CUX1: variants seen among roughly 807,000 people sequenced by gnomAD.
CUX1 encodes the protein protein CASP.
A neutral mutation model predicts 158.8 loss-of-function variants in CUX1; 31 were observed. The ratio of observed to expected loss-of-function variants is 0.20; its 90% confidence interval spans 0.15 to 0.26. The LOEUF (loss-of-function observed/expected upper bound fraction) is 0.26. Ranked by LOEUF, CUX1 falls within the 10% of genes least tolerant of loss-of-function variation. The pLI, the probability that CUX1 is intolerant of heterozygous loss-of-function variation, is 1.00. For synonymous variants in CUX1, 879 were observed against 862.1 expected (o/e 1.02, Z -0.34); for missense variants, 1,589 against 2,014.6 (o/e 0.79, Z 4.04).
At position 102,028,117 on chromosome 7, in the gene CUX1, C is replaced by T; in HGVS notation, c.161C>T (p.Ala54Val). The T allele has an allele frequency of 6.2e-7, 1 of 1,612,432 alleles. No individual in the cohort carries two copies. The highest frequency in any genetic ancestry group is 8.5e-7 in the Non-Finnish European group (1 of 1,180,002). Reference protein sequence around the residue: ...NTPEDLRKQVAPLLKSFQGEI... With the variant: ...NTPEDLRKQVVPLLKSFQGEI... ...CTCCAGGATTTGCGCAAGCAGGTAG[C>T]GCCGCTGCTGAAGAGTTTCCAAGGA... Residue 54 changes from alanine to valine, a missense_variant, in exon 3 of 24, where the codon GCG becomes GTG. By Grantham distance (64) the Ala-to-Val change is moderately conservative. This residue lies in a region of CUX1 where 63 missense variants were observed against 109.2 expected (regional missense o/e 0.58). Transcript: ENST00000292535.
chr7:102,202,285 A>T, intron 18 of CUX1, 81 bp downstream of exon 18: 1 of 1,504,210 alleles, frequency 6.6e-7, no homozygotes, highest in Non-Finnish European at 8.9e-7. Flanking sequence ...GCAGCCTGTG[A>T]CCCTCACCCA....
intron 4 of CUX1, among the ~76,000 whole-genome samples, chr7:102,077,252 G>T (rs1554476958): frequency 1.3e-5 from 2 of 151,732 alleles, no homozygotes; most frequent in African/African-American, 4.8e-5. Context: ...CAGCAGGGAG[G>T]AGCTGGGACA....
At chr7:102,276,089 T>G (rs1791588849) in intron 17 of CUX1, among the ~76,000 whole-genome samples, 2 of 152,188 alleles carry the variant, frequency 1.3e-5, no homozygotes, top group Admixed American at 6.5e-5. Flanking sequence ...TGTTTATCCA[T>G]TCACCTATTC....
chr7:102,138,196 G>A (rs1488291694), intron 8 of CUX1, among the ~76,000 whole-genome samples: 1 of 152,128 alleles, frequency 6.6e-6, no homozygotes, highest in Non-Finnish European at 1.5e-5. Flanking sequence ...AAAACAAAAA[G>A]TCTAGTTAAT....
intron 2 of CUX1, among the ~76,000 whole-genome samples, chr7:101,928,644 G>A (rs925691212): frequency 2.0e-5 from 3 of 147,494 alleles, no homozygotes; most frequent in African/African-American, 7.5e-5. Context: ...GATTCTAGGT[G>A]TGAGCCACCA....
rs189131740 is a variant in CUX1 at position 102,211,760 on chromosome 7, C to G, written c.3130+6590C>G. 2.7e-3 allele frequency among the ~76,000 whole-genome samples: 289 copies of G among 107,852 alleles called. 9 individuals carry two copies. The Admixed American group carries it at 0.033, about 12-fold the overall frequency. 70.8% of individuals were successfully genotyped at this position (107,852 alleles called of 152,430 possible). On this transcript the variant is annotated intron_variant, in intron 20 of 23. Coordinates refer to ENST00000292535, the MANE Select transcript of CUX1 (RefSeq NM_181552.4). Reference sequence around the variant, plus strand: ...GCACTATTGCACTCCAGCAGGGTGACAAGAGTGAAACTCCATCTAAAAAAA... The same window carrying G: ...GCACTATTGCACTCCAGCAGGGTGAGAAGAGTGAAACTCCATCTAAAAAAA...
intron 14 of CUX1, among the ~76,000 whole-genome samples, chr7:102,270,321 T>A (rs1554546002): frequency 2.6e-5 from 4 of 152,192 alleles, no homozygotes; most frequent in Non-Finnish European, 5.9e-5. Context: ...TACATCTAAC[T>A]GAGGCCCCTC....
chr7:102,216,001 AAAC>A (rs1268998066), intron 20 of CUX1, among the ~76,000 whole-genome samples: 2 of 152,188 alleles, frequency 1.3e-5, no homozygotes, highest in East Asian at 3.9e-4. Context: ...CTCGGAAAGA[AAAC>A]AACATTTAAG....
chr7:102,092,386 G>T (rs943362711), intron 4 of CUX1, among the ~76,000 whole-genome samples: 5 of 152,066 alleles, frequency 3.3e-5, no homozygotes, highest in African/African-American at 1.2e-4. Context: ...TTACCATCCA[G>T]ATCTTCATCC....
chr7:102,020,116 AC>A (rs2129317433), intron 2 of CUX1, among the ~76,000 whole-genome samples: 1 of 152,370 alleles, frequency 6.6e-6, no homozygotes, highest in East Asian at 1.9e-4. Flanking sequence ...AAACCTGTGA[AC>A]TAAAATCTTT....
Position 102,255,454 on chromosome 7 carries a change from T to A in CUX1, c.*6412T>A. On this transcript the variant is annotated 3_prime_UTR_variant, in exon 24 of 24. Coordinates refer to ENST00000292535, the MANE Select transcript of CUX1 (RefSeq NM_181552.4). ...CATTTGGCTATGCATAAATGTGCAC[T>A]TCCCCCATGCCCCCGTTCTTAAACT... 2 of 985,030 alleles carry A rather than the reference T, an allele frequency of 2.0e-6. No homozygotes were observed. Among genetic ancestry groups the A allele is most frequent in the Non-Finnish European group, 2.4e-6 (2 of 829,838 alleles). The allele number at this position is 985,030 out of a possible 1,614,324, so 61.0% of individuals were successfully genotyped here.
rs138596025 is a variant in CUX1, at chr7:102,196,207, G to A, written c.1223-427G>A. On this transcript the variant is annotated intron_variant, in intron 14 of 23. Coordinates refer to ENST00000292535, the MANE Select transcript of CUX1 (RefSeq NM_181552.4). ...CCTCCACATCGAGGGGGCTCGGTAC[G>A]GTGCATCGCCTCAGAGCAAGAGGTG... 2.8e-3 allele frequency among the ~76,000 whole-genome samples: 429 copies of A among 152,334 alleles called. 3 individuals carry two copies. Among genetic ancestry groups the A allele is most frequent in the African/African-American group, 0.01 (418 of 41,588 alleles).
intron 8 of CUX1, among the ~76,000 whole-genome samples, chr7:102,152,553 G>A (rs782676915): frequency 2.0e-5 from 3 of 152,010 alleles, no homozygotes; most frequent in Middle Eastern, 3.2e-3. Flanking sequence ...CACCACACCC[G>A]GCTAATTTTT....
chr7:101,957,889 A>T (rs1809965255), intron 2 of CUX1, among the ~76,000 whole-genome samples: 1 of 152,142 alleles, frequency 6.6e-6, no homozygotes, highest in Non-Finnish European at 1.5e-5. Flanking sequence ...GTTAAGTGTG[A>T]GAGTTTGGAA....
At chr7:102,148,399 C>T (rs527578799) in intron 8 of CUX1, among the ~76,000 whole-genome samples, 7 of 152,130 alleles carry the variant, frequency 4.6e-5, no homozygotes, top group Admixed American at 1.3e-4. Context: ...ATTAGCCAGG[C>T]GTGGTGGTGC....
chr7:102,211,654 A>G lies in CUX1; in HGVS notation c.3130+6484A>G, dbSNP rs534918758. Among the ~76,000 whole-genome samples, 9 of 151,742 alleles carry G rather than the reference A, an allele frequency of 5.9e-5. 1 individual carries two copies. The South Asian group carries it at 1.9e-3, about 32-fold the overall frequency. ...AAATTAGCCAGGCGTGGTGGTGCAC[A>G]CCTGTAATCCAGCTCCTTGGGAGGC... On this transcript the variant is annotated intron_variant, in intron 20 of 23. Coordinates refer to ENST00000292535, the MANE Select transcript of CUX1 (RefSeq NM_181552.4).
rs1789653796 is a variant in CUX1, at chr7:102,254,384, T to C, written c.*5342T>C. Reference sequence around the variant, plus strand: ...GTTTTAGCGTCACTGCGAACACTCCTTTGCAAACATCAAACATCTCAAAGA... The same window carrying C: ...GTTTTAGCGTCACTGCGAACACTCCCTTGCAAACATCAAACATCTCAAAGA... On this transcript the variant is annotated 3_prime_UTR_variant, in exon 24 of 24. Coordinates refer to ENST00000292535, the MANE Select transcript of CUX1 (RefSeq NM_181552.4). The C allele has an allele frequency of 2.0e-6, 2 of 985,440 alleles. No individual in the cohort carries two copies. The highest frequency in any genetic ancestry group is 2.4e-6 in the Non-Finnish European group (2 of 829,972). The allele number at this position is 985,440 out of a possible 1,614,324, so 61.0% of individuals were successfully genotyped here. A position where few individuals can be genotyped will look rare whatever the true frequency, so the allele number is the denominator to read the frequency against.
chr7:101,999,964 C>G (rs1279238033), intron 2 of CUX1, among the ~76,000 whole-genome samples: 1 of 152,128 alleles, frequency 6.6e-6, no homozygotes, highest in African/African-American at 2.4e-5. Flanking sequence ...TGCCTGTAAT[C>G]CCAGCACTCT....
rs1246242822 is a variant in CUX1, at chr7:102,266,274, G to A, written c.1256-7092G>A. On this transcript the variant is annotated intron_variant, in intron 14 of 22. Coordinates refer to the CUX1 transcript ENST00000292538. ...AGCATCAGGAGTGATGGAGAGGAGT[G>A]AGGCTACCTCCCGGGGTTTGGTCTG... 1.6e-4 allele frequency among the ~76,000 whole-genome samples: 24 copies of A among 151,788 alleles called. 1 individual carries two copies. Among genetic ancestry groups the A allele is most frequent in the Admixed American group, 1.2e-3 (18 of 15,216 alleles).
Sources: allele counts gnomAD v4.1 joint callset (sites outside exome capture counted in the v4.1 genomes callset), GRCh38; gene constraint gnomAD v4.1.1; regional missense constraint gnomAD v4.1.1; transcripts MANE v1.5; gene names NCBI Gene and HGNC (gene_info 2026-07-23, HGNC 2026-07-21).